RASGEF1C: variants seen among roughly 807,000 people sequenced by gnomAD.
RASGEF1C encodes RasGEF domain family member 1C, also known as ras-GEF domain-containing family member 1C.
A neutral mutation model predicts 58.1 loss-of-function variants in RASGEF1C; 27 were observed. That is an observed-to-expected ratio of 0.46 (90% CI 0.34 to 0.64). The LOEUF (loss-of-function observed/expected upper bound fraction) is 0.64. RASGEF1C is among the 30% of genes least tolerant of loss of function. The probability of loss-of-function intolerance (pLI) is 0.01; values close to 1 mark genes in which losing one functional copy is unlikely to be tolerated. For synonymous variants in RASGEF1C, 243 were observed against 246.3 expected (o/e 0.99, Z 0.13); for missense variants, 502 against 605.1 (o/e 0.83, Z 1.79).
rs1766618842 is a variant in RASGEF1C at position 180,143,682 on chromosome 5, A to AT, written c.-6-5625dup. Among the ~76,000 whole-genome samples the AT allele has an allele frequency of 3.3e-5, 5 of 152,086 alleles. No homozygotes were observed. The highest frequency in any genetic ancestry group is 6.5e-5 in the Admixed American group (1 of 15,272). On this transcript the variant is annotated intron_variant, in intron 1 of 13. Transcript: ENST00000361132. This position sits in a 1 kb window ranked among gnomAD's most constrained non-coding sequence, Gnocchi z 4.3. ...GATTGTAAGGGTGGCAATTAATTCTATTTTTTTAAAAAGCCACTGATGGGG... is the reference window on the plus strand; with the variant it reads ...GATTGTAAGGGTGGCAATTAATTCTATTTTTTTTAAAAAGCCACTGATGGGG...
chr5:180,128,377 C>A lies in RASGEF1C; in HGVS notation c.639+33G>T, dbSNP rs370615313. ...TGTATCTGTGTGTGTCCTGCTGAAT[C>A]CCGGGTGAGGAAGGTGGTTTGGGCC... On this transcript the variant is annotated intron_variant, in intron 5 of 13. Coordinates refer to ENST00000361132, the MANE Select transcript of RASGEF1C (RefSeq NM_175062.4). The A allele has an allele frequency of 1.9e-6, 3 of 1,587,114 alleles. No individual in the cohort carries two copies. In the African/African-American group the frequency reaches 4.0e-5, roughly 21 times the overall value.
chr5:180,145,873 C>T (rs1766654637), intron 1 of RASGEF1C, among the ~76,000 whole-genome samples: 1 of 152,106 alleles, frequency 6.6e-6, no homozygotes, highest in South Asian at 2.1e-4. Flanking sequence ...CCTCTTTTAC[C>T]CATTTTTGAA....
chr5:180,141,588 G>A (rs1766580343), intron 1 of RASGEF1C, among the ~76,000 whole-genome samples: 1 of 152,186 alleles, frequency 6.6e-6, no homozygotes, highest in African/African-American at 2.4e-5. Flanking sequence ...TGTCACTTGT[G>A]AAGAAGAAAA....
chr5:180,181,662 A>C (rs546794316), intron 1 of RASGEF1C, among the ~76,000 whole-genome samples: 1 of 152,310 alleles, frequency 6.6e-6, no homozygotes, highest in African/African-American at 2.4e-5. Context: ...GAAGGGTTCT[A>C]TTGGGTTCAG....
Position 180,114,487 on chromosome 5 carries a change from C to T in RASGEF1C, c.1138G>A (p.Gly380Ser), listed in dbSNP as rs1766031424. Residue 380 changes from glycine (G) to serine (S), a missense_variant, in exon 11 of 14, where the codon GGC (glycine) becomes AGC (serine). Coordinates refer to ENST00000361132, the MANE Select transcript of RASGEF1C (RefSeq NM_175062.4). ...CCATTGGGAAGGCGGTTGGCGCAGC[C>T]CTCATTCAGGAAGTAGATGTCTTTG... ...LIKDIYFLNEGCANRLPNGHV... is the reference protein window; with the variant it reads ...LIKDIYFLNESCANRLPNGHV... 1 of 1,613,122 alleles carries T rather than the reference C, an allele frequency of 6.2e-7. No individual in the cohort carries two copies. Among genetic ancestry groups the T allele is most frequent in the Non-Finnish European group, 8.5e-7 (1 of 1,179,352 alleles).
At chr5:180,118,343 C>T (rs1766104468) in intron 10 of RASGEF1C, among the ~76,000 whole-genome samples, 1 of 147,274 alleles carries the variant, frequency 6.8e-6, no homozygotes, top group African/African-American at 2.6e-5. Flanking sequence ...AGTGGCCTCA[C>T]TCGTGTGGCC....
Position 180,127,488 on chromosome 5 carries a change from GC to G in RASGEF1C, c.714+120del, listed in dbSNP as rs987224307. The G allele has an allele frequency of 7.9e-6, 7 of 889,246 alleles. No homozygotes were observed. In the African/African-American group the frequency reaches 1.0e-4, roughly 13 times the overall value. 55.1% of individuals were successfully genotyped at this position (889,246 alleles called of 1,614,324 possible). A position where few individuals can be genotyped will look rare whatever the true frequency, so the allele number is the denominator to read the frequency against. ...TGGCGGAGTGGGCAGGGCCCCCCGA[GC>G]CCACCTGTCCCACTCTGGGCCACTC... On this transcript the variant is annotated intron_variant, in intron 6 of 13. Coordinates refer to ENST00000361132, the MANE Select transcript of RASGEF1C (RefSeq NM_175062.4).
In RASGEF1C at chr5:180,209,155, C is replaced by G. The variant is rs1369568820; in HGVS notation, c.-134G>C. The G allele has an allele frequency of 6.1e-5, 9 of 146,396 alleles. No homozygotes were observed. Among genetic ancestry groups the G allele is most frequent in the Non-Finnish European group, 1.4e-4 (9 of 65,662 alleles). The allele number at this position is 146,396 out of a possible 1,614,324, so 9.1% of individuals were successfully genotyped here. A position where few individuals can be genotyped will look rare whatever the true frequency, so the allele number is the denominator to read the frequency against. On this transcript the variant is annotated 5_prime_UTR_variant, in exon 1 of 14. Transcript: ENST00000361132. ...CGCCGCCGCCGCCGCCGCCGCCCGA[C>G]CGCCCGGCTCCCAGCGCAGCCCGCA...
rs1482174002 is a variant in RASGEF1C at position 180,114,505 on chromosome 5, T to C, written c.1120A>G (p.Ile374Val). The change falls in exon 11 of 14, where the codon ATC becomes GTC. Residue 374 changes from isoleucine to valine, a missense_variant. Coordinates refer to ENST00000361132, the MANE Select transcript of RASGEF1C (RefSeq NM_175062.4). Reference protein sequence around the residue: ...IPFFSLLIKDIYFLNEGCANR... With the variant: ...IPFFSLLIKDVYFLNEGCANR... ...GCGCAGCCCTCATTCAGGAAGTAGA[T>C]GTCTTTGATGAGCAGGCTGAAGAAA... 1 of 1,612,510 alleles carries C rather than the reference T, an allele frequency of 6.2e-7. No individual in the cohort carries two copies. The highest frequency in any genetic ancestry group is 1.7e-5 in the Admixed American group (1 of 59,966).
chr5:180,132,150 C>T (rs1427760849), intron 4 of RASGEF1C, among the ~76,000 whole-genome samples: 1 of 152,216 alleles, frequency 6.6e-6, no homozygotes, highest in Non-Finnish European at 1.5e-5. Flanking sequence ...AGCACCAGGC[C>T]GTGCTGGGGT....
rs887799301 is a variant in RASGEF1C, at chr5:180,146,662, A to G, written c.-6-8604T>C. On this transcript the variant is annotated intron_variant, in intron 1 of 13. Coordinates refer to ENST00000361132, the MANE Select transcript of RASGEF1C (RefSeq NM_175062.4). The stretch of plus-strand genomic sequence containing the variant: ...TGAACCATCTTTGCATTCCAGGAAT[A>G]AACCTCCCTTGGTTGTGGTGTATAA... Among the ~76,000 whole-genome samples the G allele has an allele frequency of 3.3e-5, 5 of 152,314 alleles. No individual in the cohort carries two copies. In the East Asian group the frequency reaches 5.8e-4, roughly 18 times the overall value.
At chr5:180,102,497 T>G (rs1765806156) in intron 12 of RASGEF1C, among the ~76,000 whole-genome samples, 1 of 152,228 alleles carries the variant, frequency 6.6e-6, no homozygotes, top group Non-Finnish European at 1.5e-5. Flanking sequence ...TCTCTTGCTT[T>G]TCCCTGCTAA....
chr5:180,148,464 A>G (rs1156732057), intron 1 of RASGEF1C, among the ~76,000 whole-genome samples: 2 of 151,732 alleles, frequency 1.3e-5, no homozygotes, highest in African/African-American at 2.4e-5. Flanking sequence ...GTGGTGAAAC[A>G]TTAATTCCTT....
chr5:180,190,447 G>C (rs78106226), intron 1 of RASGEF1C, among the ~76,000 whole-genome samples: 10 of 113,446 alleles, frequency 8.8e-5, no homozygotes, highest in African/African-American at 8.7e-5. Context: ...CTGAGATCGC[G>C]CCACTGCACT....
intron 1 of RASGEF1C, among the ~76,000 whole-genome samples, chr5:180,180,911 GA>G (rs1332687666): frequency 6.6e-6 from 1 of 152,228 alleles, no homozygotes; most frequent in African/African-American, 2.4e-5. Context: ...CAATTGCAAA[GA>G]AACACCAAGA....
At chr5:180,101,799 C>T (rs749444353) in intron 13 of RASGEF1C, among the ~76,000 whole-genome samples, 9 of 152,182 alleles carry the variant, frequency 5.9e-5, no homozygotes, top group South Asian at 4.1e-4. Flanking sequence ...AGTCCCTGTC[C>T]CTGGGACATG....
Position 180,177,823 on chromosome 5 carries a change from A to G in RASGEF1C, c.-7+31205T>C, listed in dbSNP as rs1173585665. Among the ~76,000 whole-genome samples the G allele has an allele frequency of 1.3e-5, 2 of 152,170 alleles. No individual in the cohort carries two copies. The highest frequency in any genetic ancestry group is 4.8e-5 in the African/African-American group (2 of 41,446). On this transcript the variant is annotated intron_variant, in intron 1 of 13. Coordinates refer to ENST00000361132, the MANE Select transcript of RASGEF1C (RefSeq NM_175062.4). The surrounding 1 kb of genome is among the most constrained non-coding windows in gnomAD (Gnocchi z 5.0). ...CTGAGCAGAGCCTCTCTCTCTGCTC[A>G]GGGCAAGGTAAGGACAGGAAGTAAG...
At chr5:180,185,716 C>T (rs1756023994) in intron 1 of RASGEF1C, among the ~76,000 whole-genome samples, 1 of 152,084 alleles carries the variant, frequency 6.6e-6, no homozygotes, top group Admixed American at 6.6e-5. Flanking sequence ...TCGAATGATA[C>T]AAACTACCAA....
intron 12 of RASGEF1C, 133 bp downstream of exon 12, chr5:180,111,324 T>C (rs1372397616): frequency 8.3e-7 from 1 of 1,202,400 alleles, no homozygotes; most frequent in African/African-American, 1.5e-5. Context: ...CCCTCCTTGT[T>C]CCCTCCCGGA....
Sources: gnomAD v4.1 joint callset for allele counts (sites outside exome capture counted in the v4.1 genomes callset) on GRCh38, gnomAD v4.1.1 for gene constraint, Gnocchi (gnomAD v3.1) non-coding constraint, MANE v1.5 for transcripts, NCBI Gene and HGNC (gene_info 2026-07-23, HGNC 2026-07-21) for gene names.